MSH3: variants seen among roughly 807,000 people sequenced by gnomAD.
MSH3 encodes mutS homolog 3.
A neutral mutation model predicts 123.3 loss-of-function variants in MSH3; 106 were observed. That is an observed-to-expected ratio of 0.86 (90% CI 0.73 to 1.01). MSH3 has a LOEUF of 1.01. Among genes scored for constraint, MSH3 ranks in the 50% least tolerant of loss-of-function variants. The pLI is 0.00. For missense variants in MSH3, 1,459 were observed against 1,347.6 expected (o/e 1.08, Z -1.29); for synonymous variants, 515 against 481.4 (o/e 1.07, Z -0.91).
chr5:80,777,100 T>C (rs1360772904), intron 16 of MSH3, among the ~76,000 whole-genome samples: 3 of 151,794 alleles, frequency 2.0e-5, no homozygotes, highest in African/African-American at 4.8e-5. Flanking sequence ...GACGGCTTTT[T>C]TTTGTATTTT....
In MSH3 at chr5:80,775,680, T is replaced by A; in HGVS notation, c.2254-14T>A. On this transcript the variant is annotated splice_polypyrimidine_tract_variant and intron_variant, in intron 15 of 23. Coordinates refer to ENST00000265081, the MANE Select transcript of MSH3 (RefSeq NM_002439.5). Reference sequence around the variant, plus strand: ...TTACTTATCTAAATCTCTGTTTATTTGTATTTGTTTTAGTTTATGATAGAA... The same window carrying A: ...TTACTTATCTAAATCTCTGTTTATTAGTATTTGTTTTAGTTTATGATAGAA... 7.2e-7 allele frequency: 1 copy of A among 1,385,950 alleles called. No individual in the cohort carries two copies. The highest frequency in any genetic ancestry group is 1.8e-4 in the Middle Eastern group (1 of 5,600). The allele number at this position is 1,385,950 out of a possible 1,614,324, so 85.9% of individuals were successfully genotyped here. A position where few individuals can be genotyped will look rare whatever the true frequency, so the allele number is the denominator to read the frequency against.
chr5:80,741,468 T>A lies in MSH3; in HGVS notation c.1573T>A (p.Phe525Ile). 6.4e-7 allele frequency: 1 copy of A among 1,570,540 alleles called. No individual in the cohort carries two copies. The highest frequency in any genetic ancestry group is 8.8e-7 in the Non-Finnish European group (1 of 1,140,194). ...LEKMLSKPEN[F>I]KQLSSKMEFM... ...TTATATTTGATTCTTTTACAGGAAT[T>A]TTAAACAGCTATCAAGTAAAATGGA... Residue 525 changes from phenylalanine (F) to isoleucine (I), a missense_variant, in exon 11 of 24, where the codon TTT becomes ATT. By Grantham distance (21) the Phe-to-Ile change is conservative. Transcript: ENST00000265081.
intron 12 of MSH3, among the ~76,000 whole-genome samples, chr5:80,759,012 T>C (rs1743984838): frequency 6.6e-6 from 1 of 152,232 alleles, no homozygotes; most frequent in South Asian, 2.1e-4. Context: ...AATGTTAGAG[T>C]AAAACATTGG....
intron 8 of MSH3, among the ~76,000 whole-genome samples, chr5:80,707,052 A>G (rs1176248307): frequency 6.6e-6 from 1 of 152,172 alleles, no homozygotes; most frequent in African/African-American, 2.4e-5. Flanking sequence ...CTCCCACTCC[A>G]AGCAACTACT....
At chr5:80,814,596 T>C (rs1346411403) in intron 20 of MSH3, among the ~76,000 whole-genome samples, 1 of 152,204 alleles carries the variant, frequency 6.6e-6, no homozygotes, top group Non-Finnish European at 1.5e-5. Flanking sequence ...AGAAAATCTT[T>C]TGTAGAAAAT....
At chr5:80,675,217 C>A in intron 7 of MSH3, 89 bp downstream of exon 7, 1 of 1,356,934 alleles carries the variant, frequency 7.4e-7, no homozygotes, top group Non-Finnish European at 1.0e-6. Flanking sequence ...ATAAGGATAT[C>A]TGATGAAGTG....
intron 8 of MSH3, among the ~76,000 whole-genome samples, chr5:80,700,011 C>G (rs942396682): frequency 6.6e-6 from 1 of 152,160 alleles, no homozygotes; most frequent in Admixed American, 6.5e-5. Flanking sequence ...ATAAAGTTGA[C>G]TACTTTGTCA....
At position 80,782,877 on chromosome 5, in the gene MSH3, A is replaced by G. The variant is rs190094796; in HGVS notation, c.2435+4041A>G. ...GTATTTGTCACTTACTGAGGTACTA[A>G]CTGTTGTGCATTAGTCACATTACTT... is the stretch of plus-strand genomic sequence containing the variant. On this transcript the variant is annotated intron_variant, in intron 17 of 23. Coordinates refer to ENST00000265081, the MANE Select transcript of MSH3 (RefSeq NM_002439.5). Among the ~76,000 whole-genome samples, 11 of 152,302 alleles carry G rather than the reference A, an allele frequency of 7.2e-5. No individual in the cohort carries two copies. In the East Asian group the frequency reaches 2.1e-3, roughly 29 times the overall value.
rs767756598 is a variant in MSH3 at position 80,655,007 on chromosome 5, GGGCGGGGCTTGTGGGTAAGGCGGGCGGA to G, written c.237+51_237+78del. 2.1e-5 allele frequency: 26 copies of G among 1,235,064 alleles called. 1 individual carries two copies. The highest frequency in any genetic ancestry group is 1.5e-4 in the East Asian group (5 of 33,232). 76.5% of individuals were successfully genotyped at this position (1,235,064 alleles called of 1,614,324 possible). ...CTGGGCAGGGCCATCGGGGCTGGGGGGGCGGGGCTTGTGGGTAAGGCGGGCGGAGGCGGGGACCCTCCGCCCGATGATA... is the reference window on the plus strand; with the variant it reads ...CTGGGCAGGGCCATCGGGGCTGGGGGGGCGGGGACCCTCCGCCCGATGATA... On this transcript the variant is annotated intron_variant, in intron 1 of 23. Transcript: ENST00000265081.
intron 13 of MSH3, among the ~76,000 whole-genome samples, chr5:80,767,578 T>C (rs936774397): frequency 6.6e-6 from 1 of 152,168 alleles, no homozygotes; most frequent in Non-Finnish European, 1.5e-5. Context: ...TAAGAGCCTA[T>C]TATGTTTGGG....
chr5:80,857,513 G>T (rs964121747), intron 21 of MSH3, among the ~76,000 whole-genome samples: 2 of 152,188 alleles, frequency 1.3e-5, no homozygotes, highest in Admixed American at 6.5e-5. Flanking sequence ...GAAGCCATCT[G>T]GGCCTATGAT....
intron 1 of MSH3, chr5:80,655,168 A>G (rs1476373029): frequency 1.1e-5 from 5 of 462,778 alleles, no homozygotes; most frequent in Admixed American, 8.2e-5. Flanking sequence ...GTTTGAGGAG[A>G]TAGGCAAAGG....
At chr5:80,671,716 G>C in intron 4 of MSH3, among the ~76,000 whole-genome samples, 1 of 152,176 alleles carries the variant, frequency 6.6e-6, no homozygotes, top group East Asian at 1.9e-4. Flanking sequence ...GTGCTTTCTA[G>C]AGGAAATCAG....
chr5:80,655,053 C>A, intron 1 of MSH3, 89 bp downstream of exon 1: 1 of 725,506 alleles, frequency 1.4e-6, no homozygotes, highest in South Asian at 2.3e-5. Context: ...ACCCTCCGCC[C>A]GATGATAGGG....
At chr5:80,679,500 T>G (rs567975332) in intron 8 of MSH3, among the ~76,000 whole-genome samples, 1 of 152,338 alleles carries the variant, frequency 6.6e-6, no homozygotes, top group African/African-American at 2.4e-5. Context: ...TGATATTTAA[T>G]TATTGGTAAT....
At chr5:80,724,767 C>T (rs1447503171) in intron 8 of MSH3, among the ~76,000 whole-genome samples, 1 of 152,132 alleles carries the variant, frequency 6.6e-6, no homozygotes, top group East Asian at 1.9e-4. Flanking sequence ...ATTATTTAAA[C>T]AAATAACGTA....
chr5:80,656,575 G>T, intron 2 of MSH3, 44 bp downstream of exon 2: 4 of 1,612,754 alleles, frequency 2.5e-6, no homozygotes, highest in Non-Finnish European at 3.4e-6. Flanking sequence ...CATGGCTCTG[G>T]TATTCTGGAA....
At chr5:80,746,146 T>C (rs570650375) in intron 12 of MSH3, among the ~76,000 whole-genome samples, 16 of 152,312 alleles carry the variant, frequency 1.1e-4, no homozygotes, top group Non-Finnish European at 1.9e-4. Context: ...AACTTGATCA[T>C]ACTATGAGAA....
At chr5:80,835,184 G>T (rs192439594) in intron 20 of MSH3, among the ~76,000 whole-genome samples, 1 of 152,224 alleles carries the variant, frequency 6.6e-6, no homozygotes, top group African/African-American at 2.4e-5. Flanking sequence ...AAAAATGTAG[G>T]GGAAGGGTAA....
Sources: allele counts gnomAD v4.1 joint callset (sites outside exome capture counted in the v4.1 genomes callset), GRCh38; gene constraint gnomAD v4.1.1; transcripts MANE v1.5; gene names NCBI Gene and HGNC (gene_info 2026-07-23, HGNC 2026-07-21).